Variants in PIGU observed in about 807,000 individuals in gnomAD.
The protein encoded by PIGU is phosphatidylinositol glycan anchor biosynthesis class U.
Under a neutral mutation model 49.9 loss-of-function variants are expected in PIGU, and 24 were observed. The ratio of observed to expected loss-of-function variants is 0.48; its 90% CI spans 0.35 to 0.68. The LOEUF (loss-of-function observed/expected upper bound fraction) is 0.68. Ranked by LOEUF, PIGU falls within the 30% of genes least tolerant of loss-of-function variation. The probability of loss-of-function intolerance (pLI) is 0.01; values close to 1 mark genes in which losing one functional copy is unlikely to be tolerated. For missense variants in PIGU, 490 were observed against 532.6 expected (o/e 0.92, Z 0.79); for synonymous variants, 220 against 205.7 (o/e 1.07, Z -0.59).
chr20:34,565,117 G>A lies in PIGU; in HGVS notation c.1195-4138C>T, dbSNP rs551741967. On this transcript the variant is annotated intron_variant, in intron 11 of 11. Coordinates refer to ENST00000217446, the MANE Select transcript of PIGU (RefSeq NM_080476.5). ...CCCTTTGCCCAGTCTGGACAGGGGC[G>A]AGTTGGGCAAGGGGCTGTGGAATTT... 4.6e-5 allele frequency among the ~76,000 whole-genome samples: 7 copies of A among 152,352 alleles called. No individual in the cohort carries two copies. In the East Asian group the frequency reaches 1.3e-3, roughly 29 times the overall value.
At chr20:34,657,051 C>T (rs1568661699) in intron 2 of PIGU, 129 bp downstream of exon 2, 3 of 696,936 alleles carry the variant, frequency 4.3e-6, no homozygotes, top group East Asian at 5.4e-5. Flanking sequence ...CATCTAAAAA[C>T]GGGCTGTTTC....
chr20:34,594,956 G>A (rs545861790), intron 7 of PIGU, among the ~76,000 whole-genome samples: 1 of 151,944 alleles, frequency 6.6e-6, no homozygotes, highest in Non-Finnish European at 1.5e-5. Context: ...GCCGGGCATG[G>A]TGGGGGGCGC....
intron 6 of PIGU, among the ~76,000 whole-genome samples, chr20:34,630,738 C>T (rs1190029268): frequency 6.6e-6 from 1 of 152,080 alleles, no homozygotes; most frequent in Non-Finnish European, 1.5e-5. Flanking sequence ...CCTCAAACTC[C>T]TAGACTCAAG....
At chr20:34,561,461 C>G (rs1157852674) in intron 11 of PIGU, among the ~76,000 whole-genome samples, 1 of 152,200 alleles carries the variant, frequency 6.6e-6, no homozygotes, top group African/African-American at 2.4e-5. Flanking sequence ...TCCCCCTAAA[C>G]TCAAATCCAC....
rs758325646 is a variant in PIGU, at chr20:34,575,240, C to T, written c.1058G>A (p.Arg353Lys). Residue 353 changes from arginine (R) to lysine (K), a missense_variant, in exon 11 of 12, where the codon AGA (arginine) becomes AAA (lysine). Physicochemically the swap from Arg to Lys is conservative, Grantham distance 26. Transcript: ENST00000217446. Reference protein sequence around the residue: ...PVWNHLYRFLRNIFVLTCIII... With the variant: ...PVWNHLYRFLKNIFVLTCIII... The stretch of plus-strand genomic sequence containing the variant: ...GATGCAGGTGAGGACAAAGATGTTT[C>T]TCAGGACTGCAAAGACAGAGGGTTA... 9 of 1,613,888 alleles carry T rather than the reference C, an allele frequency of 5.6e-6. No individual in the cohort carries two copies. The Admixed American group carries it at 1.5e-4, about 27-fold the overall frequency.
intron 2 of PIGU, among the ~76,000 whole-genome samples, chr20:34,648,037 C>T (rs1393074096): frequency 1.3e-5 from 2 of 151,938 alleles, no homozygotes; most frequent in African/African-American, 4.8e-5. Context: ...ATCACTTAAG[C>T]CTAGGCATTT....
At chr20:34,567,919 C>T (rs554722882) in intron 11 of PIGU, among the ~76,000 whole-genome samples, 1 of 152,192 alleles carries the variant, frequency 6.6e-6, no homozygotes, top group Non-Finnish European at 1.5e-5. Context: ...TTAGAGGCCA[C>T]CTTCCCCAGG....
chr20:34,593,054 G>A (rs1984055376), intron 7 of PIGU, among the ~76,000 whole-genome samples: 1 of 151,904 alleles, frequency 6.6e-6, no homozygotes, highest in Non-Finnish European at 1.5e-5. Context: ...ATAGAAAATT[G>A]GCCCAGGTGT....
At chr20:34,585,411 C>T (rs199785577) in intron 9 of PIGU, 26 bp downstream of exon 9, 3 of 1,608,926 alleles carry the variant, frequency 1.9e-6, no homozygotes, top group Non-Finnish European at 2.6e-6. Flanking sequence ...TCTGTACACA[C>T]AGCAGCAGCA....
intron 7 of PIGU, among the ~76,000 whole-genome samples, chr20:34,602,660 C>T (rs1218212026): frequency 6.6e-6 from 1 of 152,140 alleles, no homozygotes; most frequent in Non-Finnish European, 1.5e-5. Context: ...AAGAATGATG[C>T]CCTAAAAACT....
intron 11 of PIGU, among the ~76,000 whole-genome samples, chr20:34,566,079 C>G (rs1003553491): frequency 6.6e-6 from 1 of 151,976 alleles, no homozygotes; most frequent in South Asian, 2.1e-4. Context: ...GCACTGCACT[C>G]ACACACACAC....
At chr20:34,634,574 A>G (rs1600646791) in intron 6 of PIGU, 41 bp downstream of exon 6, 1 of 1,581,664 alleles carries the variant, frequency 6.3e-7, no homozygotes, top group Middle Eastern at 1.7e-4. Context: ...ATCTTGCATA[A>G]ATCAGGGACT....
intron 6 of PIGU, among the ~76,000 whole-genome samples, chr20:34,626,332 C>G (rs1052660609): frequency 6.7e-6 from 1 of 149,792 alleles, no homozygotes; most frequent in African/African-American, 2.5e-5. Flanking sequence ...GACGGAGCTC[C>G]GCTTTTGTTG....
At chr20:34,665,466 G>A in intron 1 of PIGU, among the ~76,000 whole-genome samples, 1 of 151,616 alleles carries the variant, frequency 6.6e-6, no homozygotes, top group East Asian at 1.9e-4. Flanking sequence ...GCCTCCCAAA[G>A]TGCTGGGATT....
At chr20:34,643,989 C>G (rs1247596630) in intron 4 of PIGU, 175 bp downstream of exon 4, 1 of 501,590 alleles carries the variant, frequency 2.0e-6, no homozygotes, top group Non-Finnish European at 3.7e-6. Flanking sequence ...GTTAGTAAAG[C>G]TGTCTTGTGG....
At chr20:34,596,955 A>C (rs1297220991) in intron 7 of PIGU, among the ~76,000 whole-genome samples, 1 of 152,236 alleles carries the variant, frequency 6.6e-6, no homozygotes, top group Non-Finnish European at 1.5e-5. Context: ...ACGAAGATAT[A>C]CCACTAGAAT....
Position 34,585,574 on chromosome 20 carries a change from A to T in PIGU, c.789T>A (p.Ser263=). 6.2e-7 allele frequency: 1 copy of T among 1,613,138 alleles called. No homozygotes were observed. Among genetic ancestry groups the T allele is most frequent in the Non-Finnish European group, 8.5e-7 (1 of 1,179,470 alleles). Residue 263 remains serine (S), a synonymous_variant, in exon 9 of 12, where the codon TCT becomes TCA. Transcript: ENST00000217446. The part of the protein sequence containing the change: ...FIPAVYGFIL[S]VPDLTPNIGL... ...CAATGTTTGGAGTGAGATCTGGAAC[A>T]GAAAGTCTGGAATTAAGAAAACAAA...
In PIGU at chr20:34,581,586, T is replaced by C. The variant is rs926690776; in HGVS notation, c.1013A>G (p.Tyr338Cys). The C allele has an allele frequency of 1.9e-6, 3 of 1,613,798 alleles. No individual in the cohort carries two copies. The highest frequency in any genetic ancestry group is 1.7e-5 in the Admixed American group (1 of 59,988). ...SYPTVGDVALYMAFFPVWNHL... is the reference protein window; with the variant it reads ...SYPTVGDVALCMAFFPVWNHL... ...GTTCCACACGGGGAAGAAGGCCATG[T>C]AGAGCGCCACGTCCCCCACTGTCGG... Residue 338 changes from tyrosine to cysteine, a missense_variant, in exon 10 of 12, where the codon TAC becomes TGC. Coordinates refer to ENST00000217446, the MANE Select transcript of PIGU (RefSeq NM_080476.5).
intron 8 of PIGU, among the ~76,000 whole-genome samples, chr20:34,588,251 C>CA (rs890285736): frequency 2.0e-4 from 28 of 142,734 alleles, no homozygotes; most frequent in South Asian, 6.6e-4. Context: ...CACCCTGTCT[C>CA]AAAAAAAAAA....
Sources: gnomAD v4.1 joint callset for allele counts (sites outside exome capture counted in the v4.1 genomes callset) on GRCh38, gnomAD v4.1.1 for gene constraint, MANE v1.5 for transcripts, NCBI Gene and HGNC (gene_info 2026-07-23, HGNC 2026-07-21) for gene names.